KCND2: variants seen among roughly 807,000 people sequenced by gnomAD.
KCND2 encodes the protein potassium voltage-gated channel subfamily D member 2.
A neutral mutation model predicts 54.4 loss-of-function variants in KCND2; 16 were observed. The ratio of observed to expected loss-of-function variants is 0.29; its 90% CI spans 0.20 to 0.45. The LOEUF (loss-of-function observed/expected upper bound fraction) is 0.45, where lower values mean the gene tolerates loss of function less well. Ranked by LOEUF, KCND2 falls within the 20% of genes least tolerant of loss-of-function variation. KCND2 has a pLI of 1.00. For synonymous variants in KCND2, 317 were observed against 310.7 expected (o/e 1.02, Z -0.21); for missense variants, 486 against 824.2 (o/e 0.59, Z 5.02).
chr7:120,637,346 T>A (rs1043709943), intron 1 of KCND2, among the ~76,000 whole-genome samples: 2 of 152,116 alleles, frequency 1.3e-5, no homozygotes, highest in Non-Finnish European at 2.9e-5. Flanking sequence ...ATCCAAAACT[T>A]CTTTGAATTC....
At chr7:120,533,073 G>A (rs1021781159) in intron 1 of KCND2, among the ~76,000 whole-genome samples, 1 of 151,914 alleles carries the variant, frequency 6.6e-6, no homozygotes, top group Non-Finnish European at 1.5e-5. Flanking sequence ...ATCAGCAAAG[G>A]TTAATATCAA....
At chr7:120,434,050 G>A (rs1003439715) in intron 1 of KCND2, among the ~76,000 whole-genome samples, 1 of 152,158 alleles carries the variant, frequency 6.6e-6, no homozygotes, top group Non-Finnish European at 1.5e-5. Flanking sequence ...GTGCCCTAGT[G>A]TAATGTAAGG....
intron 1 of KCND2, among the ~76,000 whole-genome samples, chr7:120,302,404 T>A (rs1325855844): frequency 1.3e-5 from 2 of 152,000 alleles, no homozygotes; most frequent in Non-Finnish European, 2.9e-5. Context: ...AGACTAGCGG[T>A]GTGCACCACC....
chr7:120,634,557 C>T (rs1196591398), intron 1 of KCND2, among the ~76,000 whole-genome samples: 1 of 152,108 alleles, frequency 6.6e-6, no homozygotes, highest in African/African-American at 2.4e-5. Flanking sequence ...GCCCTGTTCA[C>T]CCCAAACCTG....
chr7:120,473,623 T>C (rs1480325539), intron 1 of KCND2, among the ~76,000 whole-genome samples: 15 of 152,182 alleles, frequency 9.9e-5, no homozygotes, highest in Admixed American at 9.8e-4. Context: ...TTTTTGTGTG[T>C]GTGTCAAGTC....
chr7:120,473,117 C>G lies in KCND2; in HGVS notation c.1115+197370C>G, dbSNP rs541356588. Among the ~76,000 whole-genome samples, 7 of 152,260 alleles carry G rather than the reference C, an allele frequency of 4.6e-5. No homozygotes were observed. The East Asian group carries it at 1.4e-3, about 29-fold the overall frequency. On this transcript the variant is annotated intron_variant, in intron 1 of 5. Transcript: ENST00000331113. Reference sequence around the variant, plus strand: ...CCAGCTTTCAGGGTGGAAGGAGTGTCCAGCTCAGCTGCAACACCCACAGAG... The same window carrying G: ...CCAGCTTTCAGGGTGGAAGGAGTGTGCAGCTCAGCTGCAACACCCACAGAG...
intron 1 of KCND2, among the ~76,000 whole-genome samples, chr7:120,377,987 A>G (rs1312595459): frequency 6.6e-6 from 1 of 151,904 alleles, no homozygotes; most frequent in Non-Finnish European, 1.5e-5. Context: ...TTTTTATTTG[A>G]TTGTTCTTGT....
At chr7:120,536,015 G>A (rs1791902174) in intron 1 of KCND2, among the ~76,000 whole-genome samples, 1 of 152,104 alleles carries the variant, frequency 6.6e-6, no homozygotes, top group Non-Finnish European at 1.5e-5. Flanking sequence ...CACTAGTTAA[G>A]CTAGTCATCC....
At chr7:120,561,319 A>C (rs1792229640) in intron 1 of KCND2, among the ~76,000 whole-genome samples, 1 of 152,192 alleles carries the variant, frequency 6.6e-6, no homozygotes, top group African/African-American at 2.4e-5. Flanking sequence ...ATGGTAAATA[A>C]AATTGGAAGA....
chr7:120,399,646 A>C (rs1428512555), intron 1 of KCND2, among the ~76,000 whole-genome samples: 1 of 151,968 alleles, frequency 6.6e-6, no homozygotes, highest in East Asian at 1.9e-4. Context: ...TCTTCACGTA[A>C]TAATTTTCAT....
chr7:120,575,500 C>A (rs901773156), intron 1 of KCND2, among the ~76,000 whole-genome samples: 1 of 152,176 alleles, frequency 6.6e-6, no homozygotes, highest in African/African-American at 2.4e-5. Context: ...GGGTCTGCCT[C>A]TCCAAGTCCA....
At chr7:120,746,170 A>C (rs1793003848) in intron 5 of KCND2, 143 bp downstream of exon 5, 12 of 910,506 alleles carry the variant, frequency 1.3e-5, no homozygotes, top group Non-Finnish European at 1.9e-5. Context: ...CGTAACAAGT[A>C]GGAAAATGGT....
chr7:120,653,664 A>G (rs747450285), intron 1 of KCND2, among the ~76,000 whole-genome samples: 5 of 152,228 alleles, frequency 3.3e-5, no homozygotes, highest in Admixed American at 2.0e-4. Context: ...GTTTTATTGT[A>G]GGGATAAAAA....
At chr7:120,328,913 T>C (rs934121881) in intron 1 of KCND2, among the ~76,000 whole-genome samples, 1 of 152,202 alleles carries the variant, frequency 6.6e-6, no homozygotes, top group Non-Finnish European at 1.5e-5. Flanking sequence ...AATCATGTTT[T>C]TATCTCTCTA....
Position 120,671,076 on chromosome 7 carries a change from G to A in KCND2, c.1116-61827G>A, listed in dbSNP as rs907393818. Among the ~76,000 whole-genome samples, 3 of 151,930 alleles carry A rather than the reference G, an allele frequency of 2.0e-5. 1 individual carries two copies. Among genetic ancestry groups the A allele is most frequent in the Non-Finnish European group, 4.4e-5 (3 of 67,960 alleles). On this transcript the variant is annotated intron_variant, in intron 1 of 5. Coordinates refer to ENST00000331113, the MANE Select transcript of KCND2 (RefSeq NM_012281.3). ...AATTTCCCCATTCCAACTTATGTTT[G>A]TGCATGTAAATATGTTCATTTTTAA...
chr7:120,542,257 A>G (rs1433403668), intron 1 of KCND2, among the ~76,000 whole-genome samples: 1 of 152,158 alleles, frequency 6.6e-6, no homozygotes, highest in Non-Finnish European at 1.5e-5. Flanking sequence ...ACATTGAGTA[A>G]TTTGATTGCA....
At chr7:120,317,321 G>A (rs1423181496) in intron 1 of KCND2, among the ~76,000 whole-genome samples, 3 of 151,904 alleles carry the variant, frequency 2.0e-5, no homozygotes, top group African/African-American at 4.8e-5. Context: ...TGCATTAATT[G>A]TAAATTAGGT....
chr7:120,746,313 G>T (rs1240033245), intron 5 of KCND2, among the ~76,000 whole-genome samples: 3 of 152,052 alleles, frequency 2.0e-5, no homozygotes, highest in African/African-American at 4.8e-5. Context: ...TCTTATTTGG[G>T]CAAGGACTTT....
intron 1 of KCND2, among the ~76,000 whole-genome samples, chr7:120,390,096 A>AT (rs1015777194): frequency 6.6e-6 from 1 of 151,930 alleles, no homozygotes. Flanking sequence ...TAAATACTCT[A>AT]TTTTTTACTA....
Sources: gnomAD v4.1 joint callset for allele counts (sites outside exome capture counted in the v4.1 genomes callset) on GRCh38, gnomAD v4.1.1 for gene constraint, MANE v1.5 for transcripts, NCBI Gene and HGNC (gene_info 2026-07-23, HGNC 2026-07-21) for gene names.